FYB2: variants seen among roughly 807,000 people sequenced by gnomAD.
FYB2 encodes FYN binding protein 2.
A neutral mutation model predicts 94.1 loss-of-function variants in FYB2; 103 were observed. That is an observed-to-expected ratio of 1.09 (90% confidence interval 0.93 to 1.29). FYB2 has a LOEUF of 1.29. FYB2 is among the 50% of genes most tolerant of loss of function. FYB2 has a pLI of 0.00. For missense variants in FYB2, 896 were observed against 841.5 expected (o/e 1.06, Z -0.80); for synonymous variants, 293 against 287.9 (o/e 1.02, Z -0.18).
At chr1:56,787,264 T>TGAA in intron 3 of FYB2, 56 bp from the exon 4 acceptor site, 1 of 1,591,218 alleles carries the variant, frequency 6.3e-7, no homozygotes, top group Non-Finnish European at 8.6e-7. Flanking sequence ...CTGGTTAAAG[T>TGAA]GAATGATGCT....
At position 56,792,775 on chromosome 1, in the gene FYB2, C is replaced by A. The variant is rs768309203; in HGVS notation, c.38G>T (p.Arg13Leu). ...GEGVRNFKEL[R>L]AKFQNLDAPP... ...AGCATCAAGATTTTGAAATTTGGCT[C>A]GAAGTTCCTTGAAGTTTCTTACCCC... is the stretch of plus-strand genomic sequence containing the variant. Residue 13 changes from arginine to leucine, a missense_variant, in exon 2 of 20, where the codon CGA (arginine) becomes CTA (leucine). By Grantham distance (102) the Arg-to-Leu change is moderately radical. Transcript: ENST00000343433. The A allele has an allele frequency of 1.2e-6, 2 of 1,612,906 alleles. No individual in the cohort carries two copies. The highest frequency in any genetic ancestry group is 2.2e-5 in the South Asian group (2 of 91,032).
chr1:56,788,940 TGGCCTTGTGTAG>T lies in FYB2; in HGVS notation c.919+21_919+32del, dbSNP rs768739003. 3.1e-6 allele frequency: 5 copies of T among 1,613,294 alleles called. No homozygotes were observed. In the South Asian group the frequency reaches 5.5e-5, roughly 18 times the overall value. On this transcript the variant is annotated intron_variant, in intron 3 of 19. Transcript: ENST00000343433. ...TGTGGAGACGGAGGTGACTCCTGGT[TGGCCTTGTGTAG>T]GGCCCTGTGCATTTCCTTACCTTCC...
chr1:56,757,687 C>CTTCCTTCCTTCCTTCCTTCCTTCTTTCT (rs1293394860), intron 6 of FYB2, among the ~76,000 whole-genome samples: 3 of 71,948 alleles, frequency 4.2e-5, no homozygotes, highest in Non-Finnish European at 5.1e-5. Context: ...TCCTTCCTTC[C>CTTCCTTCCTTCCTTCCTTCCTTCTTTCT]TTCTTTCTTT....
rs1644461518 is a variant in FYB2 at position 56,720,291 on chromosome 1, G to A, written c.2013C>T (p.Ala671=). ...KEIIVINTAV[A]CSNNSRNGIF... is the part of the protein sequence containing the mutation. ...TTCCATTTCTTGAATTATTGGAACA[G>A]GCCACTGCTGTATTGATGACAATAA... The change falls in exon 18 of 20, where the codon GCC becomes GCT. Residue 671 remains alanine (A), a synonymous_variant. Transcript: ENST00000343433. The A allele has an allele frequency of 6.2e-7, 1 of 1,611,434 alleles. No homozygotes were observed. The highest frequency in any genetic ancestry group is 8.5e-7 in the Non-Finnish European group (1 of 1,178,674).
At chr1:56,759,113 A>G (rs1645426386) in intron 5 of FYB2, among the ~76,000 whole-genome samples, 1 of 152,238 alleles carries the variant, frequency 6.6e-6, no homozygotes, top group South Asian at 2.1e-4. Flanking sequence ...TCCCACTTCA[A>G]CAAAATGAAT....
Position 56,737,108 on chromosome 1 carries a change from T to C in FYB2, c.1772A>G (p.Asp591Gly). 6.2e-7 allele frequency: 1 copy of C among 1,606,870 alleles called. No homozygotes were observed. The highest frequency in any genetic ancestry group is 8.5e-7 in the Non-Finnish European group (1 of 1,175,392). ...TTACTTTGACTCTTTTTCACTCAGGTCTACATCATCATAAATAATAACTTC... is the reference window on the plus strand; with the variant it reads ...TTACTTTGACTCTTTTTCACTCAGGCCTACATCATCATAAATAATAACTTC... ...SQEVIIYDDV[D>G]LSEKESKDED... Residue 591 changes from aspartate to glycine, a missense_variant, in exon 15 of 20, where the codon GAC becomes GGC. Asp to Gly is a moderately conservative substitution (Grantham distance 94). Coordinates refer to ENST00000343433, the MANE Select transcript of FYB2 (RefSeq NM_001004303.5).
chr1:56,766,702 G>A (rs536257183), intron 5 of FYB2, among the ~76,000 whole-genome samples: 12 of 152,288 alleles, frequency 7.9e-5, no homozygotes, highest in African/African-American at 2.4e-4. Flanking sequence ...CTCCCAAAAT[G>A]CTGGGATTAC....
At chr1:56,812,010 A>T (rs892178492) in intron 1 of FYB2, among the ~76,000 whole-genome samples, 2 of 152,000 alleles carry the variant, frequency 1.3e-5, no homozygotes, top group African/African-American at 4.8e-5. Flanking sequence ...TCAAAAGTGG[A>T]GGGTAGAGGG....
chr1:56,805,060 C>A (rs549577710), intron 1 of FYB2, among the ~76,000 whole-genome samples: 56 of 152,302 alleles, frequency 3.7e-4, no homozygotes, highest in Admixed American at 8.5e-4. Context: ...TTACCAATCC[C>A]TCCGAGCAGC....
At chr1:56,731,416 G>A (rs932494118) in intron 15 of FYB2, among the ~76,000 whole-genome samples, 1 of 152,096 alleles carries the variant, frequency 6.6e-6, no homozygotes. Context: ...TTGAGCTCAA[G>A]CAATCCTCCC....
chr1:56,776,253 C>G (rs1429570326), intron 4 of FYB2, among the ~76,000 whole-genome samples: 1 of 152,134 alleles, frequency 6.6e-6, no homozygotes, highest in Non-Finnish European at 1.5e-5. Context: ...CAAGAGTTCA[C>G]AGATCAATTC....
At chr1:56,783,446 A>T (rs936585554) in intron 4 of FYB2, among the ~76,000 whole-genome samples, 1 of 152,196 alleles carries the variant, frequency 6.6e-6, no homozygotes, top group Non-Finnish European at 1.5e-5. Flanking sequence ...TAAAATATGT[A>T]TATATAGAAA....
chr1:56,734,191 C>A (rs1358455178), intron 15 of FYB2, among the ~76,000 whole-genome samples: 1 of 152,034 alleles, frequency 6.6e-6, no homozygotes, highest in Non-Finnish European at 1.5e-5. Flanking sequence ...GTCTTTTGAT[C>A]TTTGTTGGTT....
intron 4 of FYB2, among the ~76,000 whole-genome samples, chr1:56,771,350 A>T (rs1182654670): frequency 6.6e-6 from 1 of 152,184 alleles, no homozygotes; most frequent in Non-Finnish European, 1.5e-5. Context: ...CTTCGTAAAA[A>T]AAAGTTGCAG....
rs1220587297 is a variant in FYB2, at chr1:56,743,531, A to G, written c.1543+495T>C. Among the ~76,000 whole-genome samples, 3 of 151,994 alleles carry G rather than the reference A, an allele frequency of 2.0e-5. No homozygotes were observed. The East Asian group carries it at 5.8e-4, about 29-fold the overall frequency. ...AAGAGCATTCCGGAAAGGGAGGGAA[A>G]AGCATATGAAAATATCCTGCTGTTG... On this transcript the variant is annotated intron_variant, in intron 11 of 19. Coordinates refer to ENST00000343433, the MANE Select transcript of FYB2 (RefSeq NM_001004303.5).
intron 1 of FYB2, among the ~76,000 whole-genome samples, chr1:56,805,239 G>T (rs1646617021): frequency 6.6e-6 from 1 of 152,106 alleles, no homozygotes; most frequent in Admixed American, 6.5e-5. Context: ...CTTTTCACTT[G>T]TGCTTCTGTC....
intron 5 of FYB2, among the ~76,000 whole-genome samples, chr1:56,759,192 C>T (rs115184496): frequency 1.3e-5 from 2 of 152,264 alleles, no homozygotes; most frequent in African/African-American, 4.8e-5. Context: ...TTTGAAAACA[C>T]GAGCACACCA....
In FYB2 at chr1:56,752,590, G is replaced by T. The variant is rs530611518; in HGVS notation, c.1227+1249C>A. On this transcript the variant is annotated intron_variant, in intron 8 of 19. Coordinates refer to ENST00000343433, the MANE Select transcript of FYB2 (RefSeq NM_001004303.5). ...GTACCAAGAATTAAATGTATAAATG[G>T]GGAAAATTGACAAGAAAGTAATGAA... Among the ~76,000 whole-genome samples, 35 of 152,072 alleles carry T rather than the reference G, an allele frequency of 2.3e-4. 1 individual carries two copies. Among genetic ancestry groups the T allele is most frequent in the African/African-American group, 8.4e-4 (35 of 41,528 alleles).
At chr1:56,793,716 T>C (rs1646328463) in intron 1 of FYB2, among the ~76,000 whole-genome samples, 1 of 136,992 alleles carries the variant, frequency 7.3e-6, no homozygotes, top group Non-Finnish European at 1.5e-5. Flanking sequence ...TGCCTGTACT[T>C]CCTGAACCTA....
Sources: gnomAD v4.1 joint callset for allele counts (sites outside exome capture counted in the v4.1 genomes callset) on GRCh38, gnomAD v4.1.1 for gene constraint, MANE v1.5 for transcripts, NCBI Gene and HGNC (gene_info 2026-07-23, HGNC 2026-07-21) for gene names.